Variants in RASGRF1 observed in about 807,000 individuals in gnomAD.
RASGRF1 encodes Ras protein specific guanine nucleotide releasing factor 1.
RASGRF1 carries 40 observed loss-of-function variants against 138.7 expected under a neutral mutation model. The ratio of observed to expected loss-of-function variants is 0.29; its 90% CI spans 0.22 to 0.38. The LOEUF (loss-of-function observed/expected upper bound fraction) is 0.38, where lower values mean the gene tolerates loss of function less well. RASGRF1 is among the 10% of genes least tolerant of loss of function. The probability of loss-of-function intolerance (pLI) is 1.00; values close to 1 mark genes in which losing one functional copy is unlikely to be tolerated. For missense variants in RASGRF1, 1,108 were observed against 1,650.4 expected, an observed-to-expected ratio of 0.67 and a Z score of 5.69; for synonymous variants, 614 against 663.2, an observed-to-expected ratio of 0.93 and a Z score of 1.14.
At chr15:79,031,044 C>T (rs1190278691) in intron 8 of RASGRF1, among the ~76,000 whole-genome samples, 1 of 152,240 alleles carries the variant, frequency 6.6e-6, no homozygotes, top group Non-Finnish European at 1.5e-5. Context: ...CCCAGGACCC[C>T]CTCTGGGCCT....
chr15:79,068,969 C>G (rs2057718020), intron 1 of RASGRF1, among the ~76,000 whole-genome samples: 1 of 152,050 alleles, frequency 6.6e-6, no homozygotes, highest in South Asian at 2.1e-4. Context: ...AAAGAGTTTG[C>G]CTGGACCACA....
At chr15:79,074,526 G>T (rs2057806387) in intron 1 of RASGRF1, among the ~76,000 whole-genome samples, 1 of 152,184 alleles carries the variant, frequency 6.6e-6, no homozygotes, top group Admixed American at 6.5e-5. Flanking sequence ...CACCTGGGCG[G>T]GAGGCCCAGG....
chr15:79,004,295 C>T, intron 14 of RASGRF1, 120 bp from the exon 15 acceptor site: 5 of 1,290,156 alleles, frequency 3.9e-6, no homozygotes, highest in South Asian at 1.5e-5. Context: ...TCTTAGGATC[C>T]CTGAAACCCA....
intron 1 of RASGRF1, among the ~76,000 whole-genome samples, chr15:79,083,311 G>A (rs149319672): frequency 2.6e-5 from 4 of 152,328 alleles, no homozygotes; most frequent in African/African-American, 7.2e-5. Flanking sequence ...GTGTTTGGGC[G>A]TTGGCAGTGT....
intron 2 of RASGRF1, among the ~76,000 whole-genome samples, chr15:79,062,353 A>G (rs777926098): frequency 9.2e-5 from 14 of 152,126 alleles, no homozygotes; most frequent in Non-Finnish European, 1.9e-4. Context: ...TTTATCCTCT[A>G]CATCATGAGC....
rs567027855 is a variant in RASGRF1, at chr15:79,003,566, C to T, written c.2449+236G>A. Reference sequence around the variant, plus strand: ...GGGAACTGACTCATCTAAAGTGTGGCGATGCCCTGGGAATTTCTGCCTGCC... The same window carrying T: ...GGGAACTGACTCATCTAAAGTGTGGTGATGCCCTGGGAATTTCTGCCTGCC... On this transcript the variant is annotated intron_variant, in intron 15 of 26. Transcript: ENST00000558480. Among the ~76,000 whole-genome samples, 7 of 152,350 alleles carry T rather than the reference C, an allele frequency of 4.6e-5. No individual in the cohort carries two copies. In the South Asian group the frequency reaches 1.2e-3, roughly 27 times the overall value.
intron 2 of RASGRF1, among the ~76,000 whole-genome samples, chr15:79,060,589 C>T (rs918045229): frequency 1.3e-5 from 2 of 152,196 alleles, no homozygotes; most frequent in Non-Finnish European, 2.9e-5. Context: ...CATTGGGTCA[C>T]ACGTCTGTCA....
chr15:79,054,597 T>C (rs1243032242), intron 3 of RASGRF1, among the ~76,000 whole-genome samples: 1 of 152,206 alleles, frequency 6.6e-6, no homozygotes, highest in Non-Finnish European at 1.5e-5. Context: ...AGCCCAGCCA[T>C]ATGACTGGTG....
At chr15:79,064,150 C>A (rs1461843824) in intron 2 of RASGRF1, among the ~76,000 whole-genome samples, 1 of 152,210 alleles carries the variant, frequency 6.6e-6, no homozygotes, top group East Asian at 1.9e-4. Context: ...CAAACCAAAT[C>A]ATACTTGGTT....
Position 79,003,822 on chromosome 15 carries a change from G to T in RASGRF1, c.2429C>A (p.Pro810His). 1 of 1,605,278 alleles carries T rather than the reference G, an allele frequency of 6.2e-7. No homozygotes were observed. The change falls in exon 15 of 27, where the codon CCT becomes CAT. Residue 810 changes from proline to histidine, a missense_variant. By Grantham distance (77) the Pro-to-His change is moderately conservative. Transcript: ENST00000558480. ...GDTTPEKPED[P>H]SALSKQSSEV... ...CTCACTCTGCTTGCTGAGCGCTGAA[G>T]GGTCTTCGGGCTTCTCAGGGGTCGT...
chr15:79,087,924 G>A (rs542533207), intron 1 of RASGRF1, among the ~76,000 whole-genome samples: 149 of 152,286 alleles, frequency 9.8e-4, no homozygotes, highest in Middle Eastern at 3.4e-3. Flanking sequence ...CTGTTCTCTT[G>A]TGCCAGGAGG....
At chr15:79,024,616 T>G (rs1218520923) in intron 10 of RASGRF1, among the ~76,000 whole-genome samples, 2 of 152,178 alleles carry the variant, frequency 1.3e-5, no homozygotes, top group Non-Finnish European at 2.9e-5. Flanking sequence ...CTTGTGATAT[T>G]GAATAAGTAA....
At chr15:79,025,250 G>A in intron 10 of RASGRF1, 64 bp downstream of exon 10, 3 of 1,508,788 alleles carry the variant, frequency 2.0e-6, no homozygotes, top group South Asian at 1.4e-5. Flanking sequence ...AGACCCTCTG[G>A]CCAGGACAGC....
At chr15:78,997,615 A>C (rs1301821071) in intron 19 of RASGRF1, among the ~76,000 whole-genome samples, 1 of 151,932 alleles carries the variant, frequency 6.6e-6, no homozygotes, top group Non-Finnish European at 1.5e-5. Context: ...AGGTGCCTAT[A>C]ATCCCAGCTA....
At position 79,025,381 on chromosome 15, in the gene RASGRF1, C is replaced by T; in HGVS notation, c.1475G>A (p.Cys492Tyr). The T allele has an allele frequency of 6.2e-7, 1 of 1,614,066 alleles. No individual in the cohort carries two copies. The highest frequency in any genetic ancestry group is 1.1e-5 in the South Asian group (1 of 91,074). Residue 492 changes from cysteine to tyrosine, a missense_variant, in exon 10 of 27, where the codon TGC (cysteine) becomes TAC (tyrosine). Coordinates refer to ENST00000558480, the MANE Select transcript of RASGRF1 (RefSeq NM_001145648.3). ...LSLKKEGERQ[C>Y]FLFSKHLIIC... ...AATCAGATGCTTAGAAAACAGGAAG[C>T]ACTGTCGCTCGCCCTCTTTCTTTAG...
intron 19 of RASGRF1, among the ~76,000 whole-genome samples, chr15:78,997,578 C>CA (rs1484287975): frequency 6.6e-6 from 1 of 151,120 alleles, no homozygotes; most frequent in Non-Finnish European, 1.5e-5. Flanking sequence ...ACTAAAAATA[C>CA]AAAAAAAATT....
rs1040347396 is a variant in RASGRF1 at position 79,056,681 on chromosome 15, A to C, written c.531+1653T>G. 2.0e-5 allele frequency among the ~76,000 whole-genome samples: 3 copies of C among 152,170 alleles called. No individual in the cohort carries two copies. The South Asian group carries it at 6.2e-4, about 31-fold the overall frequency. On this transcript the variant is annotated intron_variant, in intron 3 of 26. Coordinates refer to ENST00000558480, the MANE Select transcript of RASGRF1 (RefSeq NM_001145648.3). ...AAGGTGCCTGTTATCAGGCTAGCAG[A>C]GATGTGTAGAATCTGGAATTTTTGT...
chr15:79,054,537 G>T (rs2057484702), intron 3 of RASGRF1, among the ~76,000 whole-genome samples: 1 of 152,206 alleles, frequency 6.6e-6, no homozygotes, highest in African/African-American at 2.4e-5. Context: ...ACAGTCACGT[G>T]ACTTGCTTTG....
At chr15:79,010,348 T>C (rs2056772570) in intron 13 of RASGRF1, among the ~76,000 whole-genome samples, 1 of 152,152 alleles carries the variant, frequency 6.6e-6, no homozygotes. Flanking sequence ...ATATTTCCAA[T>C]ATTCTGTAGA....
Sources: gnomAD v4.1 joint callset for allele counts (sites outside exome capture counted in the v4.1 genomes callset) on GRCh38, gnomAD v4.1.1 for gene constraint, MANE v1.5 for transcripts, NCBI Gene and HGNC (gene_info 2026-07-23, HGNC 2026-07-21) for gene names.